FANK1: variants seen among roughly 807,000 people sequenced by gnomAD.
FANK1 encodes fibronectin type III and ankyrin repeat domains 1, also known as fibronectin type 3 and ankyrin repeat domains protein 1.
In FANK1, 44 loss-of-function variants were observed where a neutral mutation model predicts 45.3. The ratio of observed to expected loss-of-function variants is 0.97; its 90% CI spans 0.76 to 1.25. The LOEUF (loss-of-function observed/expected upper bound fraction) is 1.25. Ranked by LOEUF, FANK1 falls within the 50% of genes most tolerant of loss-of-function variation. FANK1 has a pLI of 0.00. For missense variants in FANK1, 391 were observed against 424.4 expected (o/e 0.92, Z 0.69); for synonymous variants, 149 against 152.5 (o/e 0.98, Z 0.17).
At chr10:125,986,546 T>A (rs1951569418) in intron 2 of FANK1, among the ~76,000 whole-genome samples, 1 of 152,032 alleles carries the variant, frequency 6.6e-6, no homozygotes, top group African/African-American at 2.4e-5. Flanking sequence ...GCCAGACTCT[T>A]CTGCGCCCTG....
At chr10:125,906,515 CAAAAAAAAAAAAAA>C (rs34132526) in intron 1 of FANK1, among the ~76,000 whole-genome samples, 21 of 46,380 alleles carry the variant, frequency 4.5e-4, no homozygotes, top group African/African-American at 1.0e-3. Context: ...GACTCTGTCT[CAAAAAAAAAAAAAA>C]AAAAAAAAAA....
intron 1 of FANK1, among the ~76,000 whole-genome samples, chr10:125,918,598 A>C (rs955640626): frequency 8.0e-6 from 1 of 125,392 alleles, no homozygotes; most frequent in African/African-American, 3.0e-5. Flanking sequence ...ATATATATAT[A>C]TATATATATA....
At chr10:125,951,204 C>T (rs975093537) in intron 1 of FANK1, among the ~76,000 whole-genome samples, 1 of 139,474 alleles carries the variant, frequency 7.2e-6, no homozygotes, top group East Asian at 2.1e-4. Flanking sequence ...GTAACCTGCA[C>T]AATGTGCACA....
chr10:126,000,266 T>C (rs1952658577), intron 6 of FANK1, among the ~76,000 whole-genome samples: 1 of 152,338 alleles, frequency 6.6e-6, no homozygotes, highest in Non-Finnish European at 1.5e-5. Flanking sequence ...TTGTAATTTA[T>C]CTAGAAGAAC....
intron 1 of FANK1, chr10:125,907,417 G>C (rs1346262770): frequency 2.4e-6 from 2 of 843,222 alleles, no homozygotes; most frequent in East Asian, 2.4e-4. Flanking sequence ...TGATCTCAAT[G>C]TCCTGGTGTT....
intron 1 of FANK1, among the ~76,000 whole-genome samples, chr10:125,915,511 G>A (rs1946378011): frequency 6.6e-6 from 1 of 152,230 alleles, no homozygotes; most frequent in Non-Finnish European, 1.5e-5. Flanking sequence ...ACAGGTGAAA[G>A]GCTAGACTAG....
At chr10:125,906,950 T>C (rs1945576212) in intron 1 of FANK1, among the ~76,000 whole-genome samples, 2 of 152,204 alleles carry the variant, frequency 1.3e-5, no homozygotes. Flanking sequence ...TGAATAACAT[T>C]ATGAAGGCTG....
chr10:125,903,127 C>A (rs7474808), intron 1 of FANK1, among the ~76,000 whole-genome samples: 1 of 152,284 alleles, frequency 6.6e-6, no homozygotes, highest in South Asian at 2.1e-4. Flanking sequence ...AACATGGTCT[C>A]CAGATGGAGT....
At chr10:125,967,798 C>G (rs918472898) in intron 1 of FANK1, among the ~76,000 whole-genome samples, 1 of 152,154 alleles carries the variant, frequency 6.6e-6, no homozygotes, top group Non-Finnish European at 1.5e-5. Context: ...AAAATAAAAG[C>G]ACATACAATG....
chr10:125,957,142 A>G (rs1949631214), intron 1 of FANK1, among the ~76,000 whole-genome samples: 1 of 152,186 alleles, frequency 6.6e-6, no homozygotes, highest in Admixed American at 6.5e-5. Context: ...GGCGTGAGCC[A>G]CCGCACCTGG....
At chr10:125,995,530 C>T in intron 4 of FANK1, 32 bp downstream of exon 4, 1 of 1,593,666 alleles carries the variant, frequency 6.3e-7, no homozygotes, top group Non-Finnish European at 8.6e-7. Context: ...TTTTTTTTCC[C>T]CCATGCCTAT....
At chr10:125,915,240 A>G (rs1252528074) in intron 1 of FANK1, among the ~76,000 whole-genome samples, 1 of 151,054 alleles carries the variant, frequency 6.6e-6, no homozygotes. Context: ...AACTTTTCAA[A>G]AACAGGGAAA....
At chr10:125,979,296 C>A (rs1029092971) in intron 1 of FANK1, among the ~76,000 whole-genome samples, 8 of 152,158 alleles carry the variant, frequency 5.3e-5, no homozygotes, top group Non-Finnish European at 1.2e-4. Flanking sequence ...TGTTCCTCTC[C>A]GTGAGAGTCA....
At chr10:125,946,561 A>C (rs1209695708) in intron 1 of FANK1, among the ~76,000 whole-genome samples, 1 of 151,630 alleles carries the variant, frequency 6.6e-6, no homozygotes, top group Non-Finnish European at 1.5e-5. Context: ...TTAGAGAAAA[A>C]AGAATAAAAA....
intron 1 of FANK1, among the ~76,000 whole-genome samples, chr10:125,921,159 G>C (rs1946917671): frequency 6.6e-6 from 1 of 152,112 alleles, no homozygotes; most frequent in Admixed American, 6.5e-5. Flanking sequence ...TATTATGTTT[G>C]TTTTTGGTAG....
At chr10:125,960,736 TG>T (rs1404443115) in intron 1 of FANK1, among the ~76,000 whole-genome samples, 1 of 152,186 alleles carries the variant, frequency 6.6e-6, no homozygotes, top group Non-Finnish European at 1.5e-5. Context: ...ACAGTTTCAC[TG>T]TGTTAGCCAG....
At chr10:125,978,355 G>A (rs1208944198) in intron 1 of FANK1, among the ~76,000 whole-genome samples, 1 of 152,124 alleles carries the variant, frequency 6.6e-6, no homozygotes, top group East Asian at 1.9e-4. Flanking sequence ...CAGTTGTGCT[G>A]TGCTAGGGGT....
In FANK1 at chr10:126,004,873, A is replaced by C; in HGVS notation, c.540-11A>C. 1.9e-6 allele frequency: 3 copies of C among 1,613,586 alleles called. No homozygotes were observed. The highest frequency in any genetic ancestry group is 1.1e-5 in the South Asian group (1 of 91,034). ...CTTATTGTCAAATGCCGCTTCTTCCATATGTTGCAGTCTAATGCTGGCGTG... is the reference window on the plus strand; with the variant it reads ...CTTATTGTCAAATGCCGCTTCTTCCCTATGTTGCAGTCTAATGCTGGCGTG... On this transcript the variant is annotated splice_polypyrimidine_tract_variant and intron_variant, in intron 6 of 10. Transcript: ENST00000368693.
chr10:125,961,108 A>C (rs1255605959), intron 1 of FANK1, among the ~76,000 whole-genome samples: 2 of 152,268 alleles, frequency 1.3e-5, no homozygotes, highest in South Asian at 2.1e-4. Flanking sequence ...CTGCTTTTTA[A>C]AAATTTTTTA....
Sources: gnomAD v4.1 joint callset for allele counts (sites outside exome capture counted in the v4.1 genomes callset) on GRCh38, gnomAD v4.1.1 for gene constraint, MANE v1.5 for transcripts, NCBI Gene and HGNC (gene_info 2026-07-23, HGNC 2026-07-21) for gene names.